Variants in EPC2 observed in about 807,000 individuals in gnomAD.
EPC2 encodes the protein enhancer of polycomb homolog 2.
In EPC2, 14 loss-of-function variants were observed where a neutral mutation model predicts 92.1. That is an observed-to-expected ratio of 0.15 (90% CI 0.10 to 0.24). The LOEUF (loss-of-function observed/expected upper bound fraction) is 0.24, where lower values mean the gene tolerates loss of function less well. Ranked by LOEUF, EPC2 falls within the 10% of genes least tolerant of loss-of-function variation. EPC2 has a pLI of 1.00. For missense variants in EPC2, 755 were observed against 971.5 expected, an observed-to-expected ratio of 0.78 and a Z score of 2.96; for synonymous variants, 340 against 334.7, an observed-to-expected ratio of 1.02 and a Z score of -0.17.
chr2:148,779,393 G>T (rs969481627), intron 10 of EPC2, among the ~76,000 whole-genome samples: 1 of 152,130 alleles, frequency 6.6e-6, no homozygotes, highest in African/African-American at 2.4e-5. Context: ...GCCAGCCTGG[G>T]CAATGTAATG....
Position 148,690,306 on chromosome 2 carries a change from C to G in EPC2, c.246C>G (p.Asn82Lys), listed in dbSNP as rs781181092. 1 of 1,612,686 alleles carries G rather than the reference C, an allele frequency of 6.2e-7. No individual in the cohort carries two copies. The highest frequency in any genetic ancestry group is 8.5e-7 in the Non-Finnish European group (1 of 1,179,478). ...TTCCTGTTCCTGAGGCAGAGAGCAA[C>G]GTCAACTATTACAATCGCTTGTACA... Reference protein sequence around the residue: ...MVIPVPEAESNVNYYNRLYKG... With the variant: ...MVIPVPEAESKVNYYNRLYKG... Residue 82 changes from asparagine (N) to lysine (K), a missense_variant, in exon 2 of 14, where the codon AAC becomes AAG. Physicochemically the swap from Asn to Lys is moderately conservative, Grantham distance 94. Transcript: ENST00000258484.
At chr2:148,767,593 A>G (rs1683434139) in intron 7 of EPC2, among the ~76,000 whole-genome samples, 1 of 152,224 alleles carries the variant, frequency 6.6e-6, no homozygotes, top group Non-Finnish European at 1.5e-5. Flanking sequence ...TGACAAGATC[A>G]TTAAAGTAAT....
intron 2 of EPC2, among the ~76,000 whole-genome samples, chr2:148,708,437 C>G (rs575047389): frequency 6.6e-6 from 1 of 152,198 alleles, no homozygotes; most frequent in Non-Finnish European, 1.5e-5. Flanking sequence ...TGGTACCATT[C>G]CTTCTGAAAC....
At chr2:148,710,244 G>A (rs1682108293) in intron 2 of EPC2, among the ~76,000 whole-genome samples, 1 of 152,128 alleles carries the variant, frequency 6.6e-6, no homozygotes, top group South Asian at 2.1e-4. Flanking sequence ...AGACACATGA[G>A]AAAATGCTCA....
chr2:148,728,378 CTTTT>C (rs989597830), intron 2 of EPC2, among the ~76,000 whole-genome samples: 1 of 144,848 alleles, frequency 6.9e-6, no homozygotes, highest in South Asian at 2.2e-4. Flanking sequence ...TGTTCTCATT[CTTTT>C]TTTTTTTAAT....
At chr2:148,778,036 A>G (rs1166425507) in intron 10 of EPC2, among the ~76,000 whole-genome samples, 1 of 152,234 alleles carries the variant, frequency 6.6e-6, no homozygotes, top group Non-Finnish European at 1.5e-5. Flanking sequence ...TGTGTTACCT[A>G]GGAAGTTTTG....
At chr2:148,714,088 G>A (rs114801048) in intron 2 of EPC2, among the ~76,000 whole-genome samples, 2,000 of 144,540 alleles carry the variant, frequency 0.014, 24 homozygotes, top group Non-Finnish European at 0.02. Flanking sequence ...CCCCAGTGTG[G>A]GTCGTTCCCC....
At position 148,647,090 on chromosome 2, in the gene EPC2, A is replaced by G. The variant is rs543617527; in HGVS notation, c.153+1920A>G. Among the ~76,000 whole-genome samples, 10 of 152,134 alleles carry G rather than the reference A, an allele frequency of 6.6e-5. No homozygotes were observed. In the East Asian group the frequency reaches 1.9e-3, roughly 30 times the overall value. ...GTGCCACTGCACTCCAGCCTGGGGG[A>G]CAGAGCGAGACTCCGTCCCCCCCAA... On this transcript the variant is annotated intron_variant, in intron 1 of 13. Coordinates refer to ENST00000258484, the MANE Select transcript of EPC2 (RefSeq NM_015630.4).
intron 2 of EPC2, among the ~76,000 whole-genome samples, chr2:148,739,285 C>A (rs982020690): frequency 6.6e-6 from 1 of 152,158 alleles, no homozygotes; most frequent in Non-Finnish European, 1.5e-5. Flanking sequence ...TGGGCAGTAA[C>A]TGGCCCATCA....
At chr2:148,725,471 A>C (rs978745455) in intron 2 of EPC2, among the ~76,000 whole-genome samples, 1 of 152,030 alleles carries the variant, frequency 6.6e-6, no homozygotes, top group Non-Finnish European at 1.5e-5. Context: ...GAGTACTTCA[A>C]TGTATGGTTT....
intron 1 of EPC2, among the ~76,000 whole-genome samples, chr2:148,671,864 G>A (rs1056105713): frequency 6.6e-6 from 1 of 150,562 alleles, no homozygotes; most frequent in Non-Finnish European, 1.5e-5. Flanking sequence ...TTTTTTTTTG[G>A]TGTACAGTGT....
At chr2:148,711,219 A>G (rs2105384236) in intron 2 of EPC2, among the ~76,000 whole-genome samples, 1 of 151,584 alleles carries the variant, frequency 6.6e-6, no homozygotes, top group East Asian at 1.9e-4. Context: ...AGTCCTATAA[A>G]TTTTTCTCTA....
At chr2:148,743,827 A>G (rs944024009) in intron 3 of EPC2, 60 bp downstream of exon 3, 25 of 1,303,754 alleles carry the variant, frequency 1.9e-5, no homozygotes, top group Non-Finnish European at 2.4e-5. Context: ...CACCTTTATA[A>G]GACCTGAGTG....
chr2:148,678,581 C>T (rs1681323667), intron 1 of EPC2, among the ~76,000 whole-genome samples: 2 of 152,370 alleles, frequency 1.3e-5, no homozygotes, highest in Non-Finnish European at 2.9e-5. Context: ...AGAAATCGAG[C>T]GCAGCACTGG....
chr2:148,645,133 C>G lies in EPC2; in HGVS notation c.116C>G (p.Pro39Arg). 1 of 1,610,198 alleles carries G rather than the reference C, an allele frequency of 6.2e-7. No homozygotes were observed. The highest frequency in any genetic ancestry group is 8.5e-7 in the Non-Finnish European group (1 of 1,178,342). ...TGCGTCTCCATCAACCGGGCCGTGC[C>G]CCAGATGCCCACCGGGATGGAGAAG... Reference protein sequence around the residue: ...NDCVSINRAVPQMPTGMEKEE... With the variant: ...NDCVSINRAVRQMPTGMEKEE... Residue 39 changes from proline (P) to arginine (R), a missense_variant, in exon 1 of 14, where the codon CCC (proline) becomes CGC (arginine). Coordinates refer to ENST00000258484, the MANE Select transcript of EPC2 (RefSeq NM_015630.4).
At chr2:148,731,411 T>C (rs1335543297) in intron 2 of EPC2, among the ~76,000 whole-genome samples, 2 of 151,516 alleles carry the variant, frequency 1.3e-5, no homozygotes, top group African/African-American at 2.4e-5. Flanking sequence ...TATTTAGGAT[T>C]TTTTTTTTGA....
At chr2:148,648,188 A>T (rs1201393220) in intron 1 of EPC2, among the ~76,000 whole-genome samples, 1 of 152,236 alleles carries the variant, frequency 6.6e-6, no homozygotes, top group Non-Finnish European at 1.5e-5. Flanking sequence ...TAAGATTTAT[A>T]GTCTGAAATC....
intron 4 of EPC2, among the ~76,000 whole-genome samples, chr2:148,761,008 A>C (rs1320754425): frequency 6.6e-6 from 1 of 152,204 alleles, no homozygotes; most frequent in Non-Finnish European, 1.5e-5. Context: ...TAAAGTGAGG[A>C]ATCTGTGGAT....
intron 1 of EPC2, among the ~76,000 whole-genome samples, chr2:148,685,048 A>G (rs566610892): frequency 6.6e-6 from 1 of 152,180 alleles, no homozygotes; most frequent in South Asian, 2.1e-4. Flanking sequence ...TAAATTGCCT[A>G]TTTATATCTT....
Sources: allele counts gnomAD v4.1 joint callset (sites outside exome capture counted in the v4.1 genomes callset), GRCh38; gene constraint gnomAD v4.1.1; transcripts MANE v1.5; gene names NCBI Gene and HGNC (gene_info 2026-07-23, HGNC 2026-07-21).